The following NAA15 variants were observed in gnomAD, a reference collection of about 807,000 sequenced individuals.
NAA15 encodes the protein N-terminal acetyltransferase.
Under a neutral mutation model 114.0 loss-of-function variants are expected in NAA15, and 34 were observed. The ratio of observed to expected loss-of-function variants is 0.30; its 90% CI spans 0.23 to 0.40. The LOEUF is 0.40. NAA15 is among the 10% of genes least tolerant of loss of function. The pLI is 1.00. For missense variants in NAA15, 658 were observed against 1,004.5 expected (o/e 0.66, Z 4.66); for synonymous variants, 340 against 338.0 (o/e 1.01, Z -0.06).
At position 139,315,691 on chromosome 4, in the gene NAA15, T is replaced by A. The variant is rs745793139; in HGVS notation, c.54+13860T>A. 8.5e-5 allele frequency among the ~76,000 whole-genome samples: 13 copies of A among 152,094 alleles called. No homozygotes were observed. In the Middle Eastern group the frequency reaches 0.014, roughly 159 times the overall value. On this transcript the variant is annotated intron_variant, in intron 1 of 19. Transcript: ENST00000296543. ...GCTCTTTTGTAGATGTAGTCTATTTTAAACCTTAGCTTTTTCACTGAATTG... is the reference window on the plus strand; with the variant it reads ...GCTCTTTTGTAGATGTAGTCTATTTAAAACCTTAGCTTTTTCACTGAATTG...
At chr4:139,367,226 C>T (rs2110971183) in intron 14 of NAA15, among the ~76,000 whole-genome samples, 1 of 152,338 alleles carries the variant, frequency 6.6e-6, no homozygotes, top group South Asian at 2.1e-4. Flanking sequence ...CACGTCCATC[C>T]TCAAGTCCAG....
At chr4:139,334,288 A>T in intron 2 of NAA15, 30 bp downstream of exon 2, 2 of 1,415,480 alleles carry the variant, frequency 1.4e-6, no homozygotes, top group Non-Finnish European at 1.9e-6. Flanking sequence ...GCTTTACTAC[A>T]TACCTGTCTG....
At chr4:139,355,215 A>C (rs1747909953) in intron 10 of NAA15, among the ~76,000 whole-genome samples, 1 of 151,902 alleles carries the variant, frequency 6.6e-6, no homozygotes, top group Admixed American at 6.6e-5. Context: ...TATTCAGTCC[A>C]TGTTCACATT....
chr4:139,352,569 A>C (rs576815014), intron 9 of NAA15, among the ~76,000 whole-genome samples: 6 of 147,256 alleles, frequency 4.1e-5, no homozygotes, highest in African/African-American at 1.5e-4. Context: ...ATGTGCATTT[A>C]TTTGCCGGTC....
rs1315176839 is a variant in NAA15 at position 139,389,794 on chromosome 4, T to G, written c.*1710T>G. On this transcript the variant is annotated 3_prime_UTR_variant, in exon 20 of 20. Transcript: ENST00000296543. ...CGAAGACCTTTTACTGATTGAACAGTTGTGCTACAATCAACTTTTCATAGT... is the reference window on the plus strand; with the variant it reads ...CGAAGACCTTTTACTGATTGAACAGGTGTGCTACAATCAACTTTTCATAGT... 1.3e-5 allele frequency: 2 copies of G among 152,614 alleles called. No individual in the cohort carries two copies. The highest frequency in any genetic ancestry group is 3.8e-4 in the East Asian group (2 of 5,202). The allele number at this position is 152,614 out of a possible 1,614,324, so 9.5% of individuals were successfully genotyped here.
At position 139,391,261 on chromosome 4, in the gene NAA15, A is replaced by G. The variant is rs1371144457; in HGVS notation, c.*3177A>G. 3 of 152,232 alleles carry G rather than the reference A, an allele frequency of 2.0e-5. No homozygotes were observed. The highest frequency in any genetic ancestry group is 1.9e-4 in the East Asian group (1 of 5,200). The allele number at this position is 152,232 out of a possible 1,614,324, so 9.4% of individuals were successfully genotyped here. A position where few individuals can be genotyped will look rare whatever the true frequency, so the allele number is the denominator to read the frequency against. On this transcript the variant is annotated 3_prime_UTR_variant, in exon 20 of 20. Coordinates refer to ENST00000296543, the MANE Select transcript of NAA15 (RefSeq NM_057175.5). Reference sequence around the variant, plus strand: ...CTTTGCTGAACTCTACTGCCAACCTACATTAAAAACAAAGTCCCACGAAAT... The same window carrying G: ...CTTTGCTGAACTCTACTGCCAACCTGCATTAAAAACAAAGTCCCACGAAAT...
chr4:139,311,005 A>G (rs1172128728), intron 1 of NAA15, among the ~76,000 whole-genome samples: 3 of 148,224 alleles, frequency 2.0e-5, no homozygotes, highest in African/African-American at 7.5e-5. Flanking sequence ...GCTCACTGCA[A>G]CCTCTGTCTC....
chr4:139,320,196 A>G (rs1746550401), intron 1 of NAA15, among the ~76,000 whole-genome samples: 1 of 152,094 alleles, frequency 6.6e-6, no homozygotes, highest in African/African-American at 2.4e-5. Flanking sequence ...AATGTTGATA[A>G]TTTTGTTTTA....
In NAA15 at chr4:139,384,897, C is replaced by A; in HGVS notation, c.2221C>A (p.Leu741Ile). ...AGTATTAAAACAAGAAATGAATCGT[C>A]TTTTTGGAGCAACGAATCCAAAGAA... ...RTVLKQEMNR[L>I]FGATNPKNFN... Residue 741 changes from leucine (L) to isoleucine (I), a missense_variant, in exon 18 of 20, where the codon CTT becomes ATT. This residue lies in a region of NAA15 where 275 missense variants were observed against 371.1 expected (regional missense o/e 0.74). Transcript: ENST00000296543. 1 of 1,555,452 alleles carries A rather than the reference C, an allele frequency of 6.4e-7. No individual in the cohort carries two copies. Among genetic ancestry groups the A allele is most frequent in the Non-Finnish European group, 8.7e-7 (1 of 1,148,966 alleles).
Position 139,351,298 on chromosome 4 carries a change from T to G in NAA15, c.907+12T>G. On this transcript the variant is annotated intron_variant, in intron 8 of 19. Transcript: ENST00000296543. ...AAACTTTTTATCTGGTAAGTGAGAATAATTGCAAAGGAATAGAAATGCTTT... is the reference window on the plus strand; with the variant it reads ...AAACTTTTTATCTGGTAAGTGAGAAGAATTGCAAAGGAATAGAAATGCTTT... 1 of 1,543,618 alleles carries G rather than the reference T, an allele frequency of 6.5e-7. No homozygotes were observed. Among genetic ancestry groups the G allele is most frequent in the Non-Finnish European group, 8.9e-7 (1 of 1,120,346 alleles).
At chr4:139,321,167 C>T (rs1230259969) in intron 1 of NAA15, among the ~76,000 whole-genome samples, 2 of 150,754 alleles carry the variant, frequency 1.3e-5, no homozygotes, top group African/African-American at 4.9e-5. Context: ...TCTATTTAAT[C>T]GACTCTGTTT....
intron 9 of NAA15, 39 bp from the exon 10 acceptor site, chr4:139,353,986 GT>G (rs772709566): frequency 5.3e-6 from 8 of 1,516,980 alleles, no homozygotes; most frequent in East Asian, 2.3e-5. Flanking sequence ...GTAAATGTGT[GT>G]TTTTTCTATT....
chr4:139,329,282 T>A (rs568439958), intron 1 of NAA15, among the ~76,000 whole-genome samples: 8 of 152,332 alleles, frequency 5.3e-5, no homozygotes, highest in Middle Eastern at 3.4e-3. Flanking sequence ...TTTGAGCACA[T>A]TTATAATAGT....
chr4:139,328,928 G>C (rs1457812903), intron 1 of NAA15, among the ~76,000 whole-genome samples: 1 of 148,418 alleles, frequency 6.7e-6, no homozygotes, highest in Non-Finnish European at 1.5e-5. Context: ...GCAGTGGTAT[G>C]ATCTTGACTC....
intron 1 of NAA15, among the ~76,000 whole-genome samples, chr4:139,318,838 A>AC (rs952797134): frequency 8.6e-5 from 13 of 150,672 alleles, no homozygotes; most frequent in Non-Finnish European, 4.4e-5. Flanking sequence ...TAGGCGACAG[A>AC]CCCCATCTCA....
chr4:139,334,732 T>C (rs1579102038), intron 2 of NAA15, among the ~76,000 whole-genome samples: 1 of 152,204 alleles, frequency 6.6e-6, no homozygotes, highest in East Asian at 1.9e-4. Context: ...TATTGGATGG[T>C]GAGATATTTG....
rs1560961098 is a variant in NAA15, at chr4:139,332,578, T to TG, written c.55-1596_55-1595insG. Among the ~76,000 whole-genome samples, 7 of 114,924 alleles carry TG rather than the reference T, an allele frequency of 6.1e-5. No homozygotes were observed. In the East Asian group the frequency reaches 1.2e-3, roughly 19 times the overall value. The allele number at this position is 114,924 out of a possible 152,430, so 75.4% of individuals were successfully genotyped here. A position where few individuals can be genotyped will look rare whatever the true frequency, so the allele number is the denominator to read the frequency against. On this transcript the variant is annotated intron_variant, in intron 1 of 19. Coordinates refer to ENST00000296543, the MANE Select transcript of NAA15 (RefSeq NM_057175.5). Reference sequence around the variant, plus strand: ...TTGGTATTTTGGTTTGTATGTTTTTTTTTTTTTTTTTTTTTTTTTTTTGAG... The same window carrying TG: ...TTGGTATTTTGGTTTGTATGTTTTTTGTTTTTTTTTTTTTTTTTTTTTTGAG...
At chr4:139,360,344 A>G (rs192261919) in intron 12 of NAA15, among the ~76,000 whole-genome samples, 156 bp from the exon 13 acceptor site, 151 of 152,310 alleles carry the variant, frequency 9.9e-4, no homozygotes, top group African/African-American at 2.6e-3. Context: ...GTTAGAGAAT[A>G]TCAGTTGTTT....
chr4:139,354,127 A>C, intron 10 of NAA15, 29 bp downstream of exon 10: 1 of 1,555,056 alleles, frequency 6.4e-7, no homozygotes, highest in Non-Finnish European at 8.9e-7. Context: ...TGTTTTAAAA[A>C]CATCTTGAAA....
Sources: gnomAD v4.1 joint callset for allele counts (sites outside exome capture counted in the v4.1 genomes callset) on GRCh38, gnomAD v4.1.1 for gene constraint, gnomAD v4.1.1 regional missense constraint, MANE v1.5 for transcripts, NCBI Gene and HGNC (gene_info 2026-07-23, HGNC 2026-07-21) for gene names.